Variants in MX1 observed in about 807,000 individuals in gnomAD.
The protein encoded by MX1 is MX dynamin like GTPase 1.
Under a neutral mutation model 66.4 loss-of-function variants are expected in MX1, and 66 were observed. That is an observed-to-expected ratio of 0.99 (90% CI 0.82 to 1.22). The LOEUF (loss-of-function observed/expected upper bound fraction) is 1.22, where lower values mean the gene tolerates loss of function less well. Ranked by LOEUF, MX1 falls within the 50% of genes most tolerant of loss-of-function variation. The pLI is 0.00. For synonymous variants in MX1, 311 were observed against 318.1 expected, an observed-to-expected ratio of 0.98 and a Z score of 0.24; for missense variants, 787 against 834.3, an observed-to-expected ratio of 0.94 and a Z score of 0.70.
At chr21:41,443,468 G>T in intron 10 of MX1, 1 of 309,592 alleles carries the variant, frequency 3.2e-6, no homozygotes, top group South Asian at 4.3e-5. Flanking sequence ...ACATAGAAGG[G>T]GGTATGTGTT....
At chr21:41,421,134 A>G (rs2089988816) in intron 1 of MX1, among the ~76,000 whole-genome samples, 1 of 152,168 alleles carries the variant, frequency 6.6e-6, no homozygotes, top group South Asian at 2.1e-4. Flanking sequence ...CACGTGAACA[A>G]AGGTCTTTGC....
chr21:41,451,237 C>T lies in MX1; in HGVS notation c.1503C>T (p.Thr501=), dbSNP rs757135904. 13 of 1,604,560 alleles carry T rather than the reference C, an allele frequency of 8.1e-6. No individual in the cohort carries two copies. The East Asian group carries it at 1.8e-4, about 22-fold the overall frequency. The change falls in exon 15 of 17, where the codon ACC becomes ACT. Residue 501 remains threonine (T), a synonymous_variant. Coordinates refer to ENST00000398598, the MANE Select transcript of MX1 (RefSeq NM_002462.5). ...AAGAGTTTTTTAACCTCCACAGAAC[C>T]GCCAAGGTAAAACCAACCATGTGTT... ...NFEEFFNLHR[T]AKSKIEDIRA...
chr21:41,453,842 C>G (rs755928901), intron 16 of MX1, among the ~76,000 whole-genome samples: 1 of 152,120 alleles, frequency 6.6e-6, no homozygotes, highest in African/African-American at 2.4e-5. Flanking sequence ...TTCTGGTTGA[C>G]GATTGCTTGA....
chr21:41,427,393 A>G (rs2090092290), intron 2 of MX1, 89 bp downstream of exon 2: 1 of 152,258 alleles, frequency 6.6e-6, no homozygotes, highest in South Asian at 2.1e-4. Context: ...TGGGGGGAAA[A>G]ACGCTTTCAG....
At chr21:41,450,329 T>G (rs1187373919) in intron 14 of MX1, among the ~76,000 whole-genome samples, 1 of 152,184 alleles carries the variant, frequency 6.6e-6, no homozygotes, top group African/African-American at 2.4e-5. Context: ...TTTCCAGGTA[T>G]TAAATCTCTA....
intron 15 of MX1, 35 bp downstream of exon 15, chr21:41,451,278 A>AG: frequency 7.6e-7 from 1 of 1,317,312 alleles, no homozygotes; most frequent in Non-Finnish European, 1.1e-6. Context: ...AAAAAAAAAA[A>AG]GAAAAGAAAT....
In MX1 at chr21:41,442,030, TGTGTGTGTGC is replaced by T. The variant is rs1403584682; in HGVS notation, c.929+118_929+127del. On this transcript the variant is annotated intron_variant, in intron 10 of 16. Transcript: ENST00000398598. The stretch of plus-strand genomic sequence containing the variant: ...GAGTGTGTGTGTGTGTGTGTGCGTG[TGTGTGTGTGC>T]GCGTGTGTGTGTGACTATGCTTGTT... 9.1e-5 allele frequency: 78 copies of T among 855,948 alleles called. No homozygotes were observed. In the South Asian group the frequency reaches 9.4e-4, roughly 10 times the overall value. The allele number at this position is 855,948 out of a possible 1,614,324, so 53.0% of individuals were successfully genotyped here.
At position 41,437,105 on chromosome 21, in the gene MX1, A is replaced by G; in HGVS notation, c.389A>G (p.Glu130Gly). Reference protein sequence around the residue: ...WRGKVSYQDYEIEISDASEVE... With the variant: ...WRGKVSYQDYGIEISDASEVE... The stretch of plus-strand genomic sequence containing the variant: ...GGCAAGGTCAGTTACCAGGACTACG[A>G]GATTGAGATTTCGGATGCTTCAGAG... Residue 130 changes from glutamate (E) to glycine (G), a missense_variant, in exon 7 of 17, where the codon GAG becomes GGG. By Grantham distance (98) the Glu-to-Gly change is moderately conservative. Transcript: ENST00000398598. 1 of 1,613,970 alleles carries G rather than the reference A, an allele frequency of 6.2e-7. No homozygotes were observed.
intron 12 of MX1, 192 bp from the exon 13 acceptor site, chr21:41,445,808 C>A (rs1401498942): frequency 2.4e-6 from 2 of 840,706 alleles, no homozygotes; most frequent in Non-Finnish European, 3.6e-6. Flanking sequence ...CGAGCATCAC[C>A]CAGATCCCTA....
At chr21:41,452,393 G>A (rs1306173141) in intron 15 of MX1, among the ~76,000 whole-genome samples, 1 of 152,180 alleles carries the variant, frequency 6.6e-6, no homozygotes, top group Non-Finnish European at 1.5e-5. Flanking sequence ...GCCCCGGGAT[G>A]GGGGTCCGGC....
intron 5 of MX1, among the ~76,000 whole-genome samples, chr21:41,432,613 G>A (rs1290698347): frequency 6.6e-6 from 1 of 152,170 alleles, no homozygotes; most frequent in Non-Finnish European, 1.5e-5. Flanking sequence ...AACCAATCAT[G>A]GCCCCTGGAA....
chr21:41,432,285 C>T, intron 5 of MX1, 110 bp downstream of exon 5: 1 of 947,874 alleles, frequency 1.1e-6, no homozygotes, highest in South Asian at 1.4e-5. Context: ...GCTCTCTCGC[C>T]TCTCCTGTGC....
chr21:41,444,250 T>C (rs540935534), intron 11 of MX1, among the ~76,000 whole-genome samples: 1 of 152,198 alleles, frequency 6.6e-6, no homozygotes, highest in East Asian at 1.9e-4. Context: ...CTCTCTGTGG[T>C]TCTTTTTAAA....
intron 6 of MX1, 76 bp downstream of exon 6, chr21:41,436,105 A>C (rs1209351496): frequency 7.9e-6 from 12 of 1,520,928 alleles, no homozygotes; most frequent in Non-Finnish European, 1.1e-5. Flanking sequence ...CTTATACAAC[A>C]AAAGTTTATT....
Position 41,458,960 on chromosome 21 carries a change from CAT to C in MX1, c.*203_*204del. The C allele has an allele frequency of 1.1e-6, 1 of 898,968 alleles. No homozygotes were observed. Among genetic ancestry groups the C allele is most frequent in the Non-Finnish European group, 1.6e-6 (1 of 614,240 alleles). The allele number at this position is 898,968 out of a possible 1,614,324, so 55.7% of individuals were successfully genotyped here. A position where few individuals can be genotyped will look rare whatever the true frequency, so the allele number is the denominator to read the frequency against. On this transcript the variant is annotated 3_prime_UTR_variant, in exon 17 of 17. Coordinates refer to ENST00000398598, the MANE Select transcript of MX1 (RefSeq NM_002462.5). ...AGACAGAGCCCCACCCTCAGATGCA[CAT>C]GAGCTGGCGGGATTGAAGGATGCTG...
intron 5 of MX1, 34 bp from the exon 6 acceptor site, chr21:41,435,803 G>T: frequency 6.3e-7 from 1 of 1,587,836 alleles, no homozygotes; most frequent in Non-Finnish European, 8.6e-7. Context: ...TGATTTGCAG[G>T]CCATGAAGAA....
rs1296986181 is a variant in MX1 at position 41,451,155 on chromosome 21, C to T, written c.1433-12C>T. The stretch of plus-strand genomic sequence containing the variant: ...CCTACCAATATTGAACTATTTTTCT[C>T]TCTTTGATTAGATATGGTCCGGCTT... On this transcript the variant is annotated splice_polypyrimidine_tract_variant and intron_variant, in intron 14 of 16. Transcript: ENST00000398598. The T allele has an allele frequency of 2.5e-6, 4 of 1,585,596 alleles. No homozygotes were observed. The highest frequency in any genetic ancestry group is 3.5e-6 in the Non-Finnish European group (4 of 1,158,144).
Position 41,432,082 on chromosome 21 carries a change from C to T in MX1, c.12C>T (p.Ser4=), listed in dbSNP as rs545020012. 32 of 1,614,032 alleles carry T rather than the reference C, an allele frequency of 2.0e-5. No homozygotes were observed. The highest frequency in any genetic ancestry group is 3.3e-4 in the Middle Eastern group (2 of 6,060). Residue 4 remains serine (S), a synonymous_variant, in exon 5 of 17, where the codon TCC becomes TCT. Transcript: ENST00000398598. The part of the protein sequence containing the change: MVV[S]EVDIAKADPA... ...TGCAAAGAAGGAAGATGGTTGTTTC[C>T]GAAGTGGACATCGCAAAAGCTGATC...
At chr21:41,450,660 T>C (rs958622679) in intron 14 of MX1, among the ~76,000 whole-genome samples, 4 of 152,128 alleles carry the variant, frequency 2.6e-5, no homozygotes, top group African/African-American at 9.7e-5. Flanking sequence ...GACATGGAGA[T>C]CAATAAGAGG....
Sources: gnomAD v4.1 joint callset for allele counts (sites outside exome capture counted in the v4.1 genomes callset) on GRCh38, gnomAD v4.1.1 for gene constraint, MANE v1.5 for transcripts, NCBI Gene and HGNC (gene_info 2026-07-23, HGNC 2026-07-21) for gene names.